Variants in CCDC7 observed in about 807,000 individuals in gnomAD.
CCDC7 encodes coiled-coil domain-containing protein 7.
Under a neutral mutation model 196.9 loss-of-function variants are expected in CCDC7, and 183 were observed. The ratio of observed to expected loss-of-function variants is 0.93; its 90% CI spans 0.82 to 1.05. CCDC7 has a LOEUF of 1.05. Ranked by LOEUF, CCDC7 falls within the 50% of genes least tolerant of loss-of-function variation. CCDC7 has a pLI of 0.00. For missense variants in CCDC7, 1,540 were observed against 1,482.2 expected (o/e 1.04, Z -0.64); for synonymous variants, 525 against 484.6 (o/e 1.08, Z -1.10).
intron 21 of CCDC7, among the ~76,000 whole-genome samples, chr10:32,679,095 T>G (rs1320019342): frequency 6.6e-6 from 1 of 152,206 alleles, no homozygotes; most frequent in African/African-American, 2.4e-5. Context: ...AAAGCATGTA[T>G]ACTCTAAGAT....
intron 41 of CCDC7, among the ~76,000 whole-genome samples, chr10:32,876,047 A>G (rs1466586692): frequency 3.3e-5 from 5 of 152,122 alleles, no homozygotes; most frequent in African/African-American, 1.2e-4. Context: ...CAACCCCAGA[A>G]CTACTGAATC....
chr10:32,828,471 G>T (rs1328232227), intron 32 of CCDC7, among the ~76,000 whole-genome samples: 2 of 77,908 alleles, frequency 2.6e-5, no homozygotes, highest in African/African-American at 7.9e-5. Flanking sequence ...AGAAGAGGAA[G>T]AGGAAGAGGA....
chr10:32,682,873 C>G (rs2076022590), intron 21 of CCDC7, among the ~76,000 whole-genome samples: 1 of 151,978 alleles, frequency 6.6e-6, no homozygotes, highest in Admixed American at 6.6e-5. Flanking sequence ...AGTTTAAATT[C>G]CTTATAGATT....
intron 16 of CCDC7, chr10:32,574,308 T>C: frequency 7.7e-6 from 4 of 519,408 alleles, no homozygotes; most frequent in Non-Finnish European, 1.1e-5. Flanking sequence ...AATTATTATA[T>C]ATTATATAAT....
chr10:32,763,205 A>G (rs2077724796), intron 28 of CCDC7, among the ~76,000 whole-genome samples: 1 of 152,000 alleles, frequency 6.6e-6, no homozygotes, highest in East Asian at 1.9e-4. Context: ...TGGGCAAAGA[A>G]CCTAAATAGA....
intron 28 of CCDC7, among the ~76,000 whole-genome samples, chr10:32,750,929 T>C (rs2075559863): frequency 6.6e-6 from 1 of 152,198 alleles, no homozygotes; most frequent in African/African-American, 2.4e-5. Context: ...ACATTCATTG[T>C]TCAGCATCAA....
At chr10:32,608,256 T>A (rs1042828556) in intron 18 of CCDC7, among the ~76,000 whole-genome samples, 21 of 152,146 alleles carry the variant, frequency 1.4e-4, no homozygotes, top group African/African-American at 5.1e-4. Flanking sequence ...AAAATCCAAC[T>A]CTTTTTTTGT....
chr10:32,882,800 G>A (rs895617636), exon 23 of CCDC7: 11 of 152,074 alleles, frequency 7.2e-5, no homozygotes, highest in Non-Finnish European at 1.5e-4. Context: ...ACTTCTATTC[G>A]CCAGTGTCCC....
intron 11 of CCDC7, among the ~76,000 whole-genome samples, chr10:32,539,906 A>G (rs1026663326): frequency 3.3e-5 from 5 of 151,692 alleles, no homozygotes; most frequent in Non-Finnish European, 7.4e-5. Flanking sequence ...TTTTTTTTTA[A>G]CTTGCTAAGG....
intron 41 of CCDC7, among the ~76,000 whole-genome samples, chr10:32,873,179 C>T (rs200367107): frequency 1.3e-5 from 2 of 152,160 alleles, no homozygotes; most frequent in Non-Finnish European, 2.9e-5. Context: ...GTACACCAAT[C>T]AGACATAGAT....
At chr10:32,786,125 G>A (rs2081831624) in intron 29 of CCDC7, among the ~76,000 whole-genome samples, 1 of 152,128 alleles carries the variant, frequency 6.6e-6, no homozygotes, top group South Asian at 2.1e-4. Context: ...GACATTGGAA[G>A]AAATATCTAT....
At chr10:32,776,505 T>G (rs1431512418) in intron 28 of CCDC7, among the ~76,000 whole-genome samples, 1 of 152,144 alleles carries the variant, frequency 6.6e-6, no homozygotes, top group African/African-American at 2.4e-5. Flanking sequence ...GGAGAACAGA[T>G]TTTGGAAACT....
At chr10:32,665,910 T>A (rs1256474811) in intron 21 of CCDC7, among the ~76,000 whole-genome samples, 2 of 152,022 alleles carry the variant, frequency 1.3e-5, no homozygotes, top group African/African-American at 4.8e-5. Context: ...TAGAACTTTT[T>A]TTCCTCCTTG....
intron 20 of CCDC7, among the ~76,000 whole-genome samples, chr10:32,656,106 T>C (rs1283064761): frequency 6.6e-6 from 1 of 152,326 alleles, no homozygotes; most frequent in East Asian, 1.9e-4. Flanking sequence ...AAAAAATCAT[T>C]GCTAAGACCA....
chr10:32,629,775 A>C (rs1261379024), intron 18 of CCDC7, among the ~76,000 whole-genome samples: 4 of 152,172 alleles, frequency 2.6e-5, no homozygotes, highest in African/African-American at 9.6e-5. Context: ...CAGAGAAGGC[A>C]CAGAGGGTGC....
At chr10:32,845,691 T>C (rs922826914) in intron 35 of CCDC7, 65 bp downstream of exon 36, 2 of 1,438,978 alleles carry the variant, frequency 1.4e-6, no homozygotes, top group African/African-American at 1.4e-5. Flanking sequence ...TTAAATTAAG[T>C]GTGGACATTT....
intron 11 of CCDC7, among the ~76,000 whole-genome samples, chr10:32,520,548 C>A (rs2047730700): frequency 6.6e-6 from 1 of 151,834 alleles, no homozygotes; most frequent in South Asian, 2.1e-4. Context: ...AATCTTTTAC[C>A]CATTTTTAAA....
chr10:32,655,115 G>A (rs1355789310), intron 20 of CCDC7, among the ~76,000 whole-genome samples: 1 of 152,168 alleles, frequency 6.6e-6, no homozygotes, highest in Non-Finnish European at 1.5e-5. Flanking sequence ...TTATTCTCTA[G>A]GAATGGTGCT....
At chr10:32,671,234 A>G (rs758107824) in intron 21 of CCDC7, among the ~76,000 whole-genome samples, 6 of 152,204 alleles carry the variant, frequency 3.9e-5, no homozygotes, top group Admixed American at 1.3e-4. Flanking sequence ...GATGGTAAGT[A>G]TTCTATACAG....
Sources: gnomAD v4.1 joint callset for allele counts (sites outside exome capture counted in the v4.1 genomes callset) on GRCh38, gnomAD v4.1.1 for gene constraint, MANE v1.5 for transcripts, NCBI Gene and HGNC (gene_info 2026-07-23, HGNC 2026-07-21) for gene names.